The following LMF1 variants were observed in gnomAD, a reference collection of about 807,000 sequenced individuals.
The protein encoded by LMF1 is transmembrane protein 112.
LMF1 carries 68 observed loss-of-function variants against 60.6 expected under a neutral mutation model. That is an observed-to-expected ratio of 1.12 (90% CI 0.92 to 1.37). The LOEUF (loss-of-function observed/expected upper bound fraction) is 1.37. Ranked by LOEUF, LMF1 falls within the 40% of genes most tolerant of loss-of-function variation. LMF1 has a pLI of 0.00. For missense variants in LMF1, 948 were observed against 767.2 expected, an observed-to-expected ratio of 1.24 and a Z score of -2.78; for synonymous variants, 418 against 324.7, an observed-to-expected ratio of 1.29 and a Z score of -3.09.
intron 2 of LMF1, among the ~76,000 whole-genome samples, chr16:949,158 G>A (rs1389519376): frequency 2.0e-5 from 3 of 149,318 alleles, no homozygotes; most frequent in Non-Finnish European, 4.4e-5. Flanking sequence ...GACAGAGTCA[G>A]CCAACGACAG....
intron 10 of LMF1, among the ~76,000 whole-genome samples, chr16:859,158 G>A (rs1348353303): frequency 1.0e-4 from 12 of 119,446 alleles, no homozygotes; most frequent in Middle Eastern, 7.4e-3. Context: ...GTGTGCAGTG[G>A]TGTCTCGGGA....
At chr16:856,797 TGAGA>T (rs1596820992) in intron 10 of LMF1, among the ~76,000 whole-genome samples, 1 of 152,174 alleles carries the variant, frequency 6.6e-6, no homozygotes, top group East Asian at 1.9e-4. Flanking sequence ...CCGGAGGGCT[TGAGA>T]GTGTTGAAAA....
At chr16:978,193 A>G (rs2073228157) in intron 1 of LMF1, among the ~76,000 whole-genome samples, 1 of 150,172 alleles carries the variant, frequency 6.7e-6, no homozygotes, top group Non-Finnish European at 1.5e-5. Flanking sequence ...CCCCACACAC[A>G]TACATCACAC....
At chr16:964,992 T>C (rs779531208) in intron 1 of LMF1, among the ~76,000 whole-genome samples, 1 of 152,176 alleles carries the variant, frequency 6.6e-6, no homozygotes. Context: ...AGGACAAAAC[T>C]AGCATGGAGA....
intron 5 of LMF1, among the ~76,000 whole-genome samples, chr16:888,086 G>A (rs1225543667): frequency 6.6e-6 from 1 of 152,240 alleles, no homozygotes; most frequent in Non-Finnish European, 1.5e-5. Context: ...TCCTTCGGCG[G>A]ACGGAATTGT....
rs962614400 is a variant in LMF1, at chr16:860,102, A to G, written c.1530-5396T>C. ...CATTTTCTAATAAGATTATTTTAGT[A>G]TTAAGTTATGAAACTTCTTTACATA... On this transcript the variant is annotated intron_variant, in intron 10 of 10. Transcript: ENST00000262301. Among the ~76,000 whole-genome samples, 8 of 150,868 alleles carry G rather than the reference A, an allele frequency of 5.3e-5. 1 individual carries two copies. In the South Asian group the frequency reaches 1.2e-3, roughly 23 times the overall value.
At chr16:909,171 TC>T (rs35342549) in intron 4 of LMF1, among the ~76,000 whole-genome samples, 1 of 152,130 alleles carries the variant, frequency 6.6e-6, no homozygotes, top group East Asian at 1.9e-4. Flanking sequence ...GCCAGTTCAC[TC>T]CATGCATGGC....
Position 943,572 on chromosome 16 carries a change from C to A in LMF1, c.504-9318G>T, listed in dbSNP as rs1019771041. On this transcript the variant is annotated intron_variant, in intron 2 of 10. Transcript: ENST00000262301. ...TGAAACACCATTTCTATTAAAAATA[C>A]AAAAATTAGCTGGGTGTGGTGGTGC... Among the ~76,000 whole-genome samples the A allele has an allele frequency of 2.2e-4, 33 of 151,254 alleles. 1 individual carries two copies. Among genetic ancestry groups the A allele is most frequent in the Non-Finnish European group, 3.5e-4 (24 of 67,810 alleles).
chr16:861,346 TTTTC>T (rs1332970629), intron 10 of LMF1, among the ~76,000 whole-genome samples: 14 of 144,750 alleles, frequency 9.7e-5, no homozygotes, highest in South Asian at 4.3e-4. Flanking sequence ...CACTTATTAA[TTTTC>T]TTTCTTTTTT....
chr16:976,477 G>A (rs749652216), intron 1 of LMF1: 15 of 454,108 alleles, frequency 3.3e-5, no homozygotes, highest in South Asian at 2.3e-4. Context: ...CCCCAGGCTG[G>A]GCCTCCCTCG....
rs118145233 is a variant in LMF1, at chr16:870,215, A to G, written c.1233-149T>C. 6.7e-3 allele frequency: 6,089 copies of G among 902,678 alleles called. 35 individuals are homozygous for G. The highest frequency in any genetic ancestry group is 8.3e-3 in the Non-Finnish European group (5,045 of 608,812). 55.9% of individuals were successfully genotyped at this position (902,678 alleles called of 1,614,324 possible). ...TGCCTCCTGGTCAGGGGCTACTGAG[A>G]GGCTGGGTGGGGCTGAGGAGAACTT... On this transcript the variant is annotated intron_variant, in intron 8 of 10. Coordinates refer to ENST00000262301, the MANE Select transcript of LMF1 (RefSeq NM_022773.4).
At chr16:869,578 C>CTGGCTAACTTT (rs1406966035) in intron 9 of LMF1, 1 of 621,888 alleles carries the variant, frequency 1.6e-6, no homozygotes, top group Non-Finnish European at 3.0e-6. Context: ...CCCTCAGCTG[C>CTGGCTAACTTT]TGGCTAACTT....
rs1421222572 is a variant in LMF1, at chr16:955,177, A to G, written c.194-511T>C. ...TGCCTGCAGCAGACGCAGTGTGTGC[A>G]TACACACACACACATCTAAGTAAAC... On this transcript the variant is annotated intron_variant, in intron 1 of 10. Transcript: ENST00000262301. Among the ~76,000 whole-genome samples, 208 of 123,436 alleles carry G rather than the reference A, an allele frequency of 1.7e-3. 23 individuals carry two copies. Among genetic ancestry groups the G allele is most frequent in the African/African-American group, 3.5e-3 (88 of 24,812 alleles). 81.0% of individuals were successfully genotyped at this position (123,436 alleles called of 152,430 possible). A position where few individuals can be genotyped will look rare whatever the true frequency, so the allele number is the denominator to read the frequency against.
rs113993595 is a variant in LMF1, at chr16:947,347, C to T, written c.503+7010G>A. On this transcript the variant is annotated intron_variant, in intron 2 of 10. Transcript: ENST00000262301. ...GGCCCCACCCACCCAGTTGGGGCTA[C>T]GCAGAGGCAGGTGGTGGAAAAGGTG... is the stretch of plus-strand genomic sequence containing the variant. The T allele has an allele frequency of 1.4e-3, 567 of 397,666 alleles. 7 individuals carry two copies. Among genetic ancestry groups the T allele is most frequent in the African/African-American group, 0.01 (490 of 48,460 alleles). The allele number at this position is 397,666 out of a possible 1,614,324, so 24.6% of individuals were successfully genotyped here. A position where few individuals can be genotyped will look rare whatever the true frequency, so the allele number is the denominator to read the frequency against.
intron 2 of LMF1, among the ~76,000 whole-genome samples, chr16:947,854 TTAGAGACAATGA>T (rs2072279302): frequency 9.9e-6 from 1 of 101,154 alleles, no homozygotes; most frequent in African/African-American, 4.3e-5. Flanking sequence ...AACGACAGAG[TTAGAGACAATGA>T]CAGAGTCAGC....
chr16:917,499 G>A (rs539658439), intron 3 of LMF1, among the ~76,000 whole-genome samples: 24 of 149,298 alleles, frequency 1.6e-4, no homozygotes, highest in African/African-American at 5.5e-4. Context: ...GCAGGCCCAC[G>A]TGAAGAAATG....
chr16:910,959 C>T lies in LMF1; in HGVS notation c.635G>A (p.Trp212Ter). Reference protein sequence around the residue: ...TSRIVLWGFRWLIFRIMLGAG... With the variant: ...TSRIVLWGFR ...TCCAAGCATGATCCTGAAGATCAGC[C>T]ACCGGAAGCCCCACAGGACAATCCG... The change falls in exon 4 of 11, where the codon TGG (tryptophan) becomes TAG (stop). Residue 212 changes from tryptophan (W) to a stop codon, truncating the protein, a stop_gained. Coordinates refer to ENST00000262301, the MANE Select transcript of LMF1 (RefSeq NM_022773.4). LOFTEE classifies it high-confidence loss of function. The T allele has an allele frequency of 6.2e-7, 1 of 1,612,956 alleles. No individual in the cohort carries two copies. Among genetic ancestry groups the T allele is most frequent in the East Asian group, 2.2e-5 (1 of 44,884 alleles).
At chr16:877,910 C>A (rs2070040279) in intron 6 of LMF1, among the ~76,000 whole-genome samples, 1 of 152,154 alleles carries the variant, frequency 6.6e-6, no homozygotes. Context: ...GGAAGTGTGA[C>A]TTAAAAGGGC....
At chr16:965,131 C>A (rs1345766073) in intron 1 of LMF1, among the ~76,000 whole-genome samples, 1 of 152,238 alleles carries the variant, frequency 6.6e-6, no homozygotes, top group Non-Finnish European at 1.5e-5. Context: ...CTTCTGCAGT[C>A]CAGGCTGTCC....
Sources: gnomAD v4.1 joint callset for allele counts (sites outside exome capture counted in the v4.1 genomes callset) on GRCh38, gnomAD v4.1.1 for gene constraint, MANE v1.5 for transcripts, NCBI Gene and HGNC (gene_info 2026-07-23, HGNC 2026-07-21) for gene names.